The following CHLSN variants were observed in gnomAD, a reference collection of about 807,000 sequenced individuals.
CHLSN encodes cholesin.
At chr7:987,969 G>C in the CHLSN span, among the ~76,000 whole-genome samples, 29 of 136,158 alleles carry the variant, frequency 2.1e-4, 1 homozygote, top group African/African-American at 8.3e-4. Flanking sequence ...GGTCCCCTCT[G>C]TGTGTCCTGG....
At chr7:1,048,299 C>T in the CHLSN span, among the ~76,000 whole-genome samples, 1 of 152,184 alleles carries the variant, frequency 6.6e-6, no homozygotes, top group Non-Finnish European at 1.5e-5. Context: ...GAAAGAACTT[C>T]CCGACTAACA....
the CHLSN span, among the ~76,000 whole-genome samples, chr7:1,023,631 ACACACACACACACACACAC>A: frequency 7.0e-5 from 2 of 28,686 alleles, no homozygotes; most frequent in African/African-American, 1.4e-4. The surrounding 1 kb of genome is among the most constrained non-coding windows in gnomAD (Gnocchi z 5.0). Flanking sequence ...GGAAACACAC[ACACACACACACACACACAC>A]ACACACACAC....
the CHLSN span, among the ~76,000 whole-genome samples, chr7:1,049,756 G>A: frequency 1.3e-5 from 2 of 152,220 alleles, no homozygotes; most frequent in Non-Finnish European, 1.5e-5. Context: ...GGAATCAGTG[G>A]TGCTTTCTCA....
At chr7:1,009,016 TAC>T in the CHLSN span, among the ~76,000 whole-genome samples, 2 of 134,902 alleles carry the variant, frequency 1.5e-5, no homozygotes, top group African/African-American at 6.3e-5. Flanking sequence ...CACACACACA[TAC>T]ACATGCACAC....
the CHLSN span, among the ~76,000 whole-genome samples, chr7:999,323 C>T: frequency 3.9e-5 from 6 of 152,348 alleles, no homozygotes; most frequent in Admixed American, 1.3e-4. Flanking sequence ...GAATCAGCTG[C>T]GCCGGGCGTG....
At chr7:1,036,807 G>C in the CHLSN span, among the ~76,000 whole-genome samples, 5 of 144,436 alleles carry the variant, frequency 3.5e-5, no homozygotes, top group East Asian at 9.7e-4. Context: ...GGCCATTTAG[G>C]AGCTCTGCTC....
chr7:1,017,731 G>C, the CHLSN span, among the ~76,000 whole-genome samples: 1 of 151,784 alleles, frequency 6.6e-6, no homozygotes, highest in African/African-American at 2.4e-5. Context: ...CGGACGGCGG[G>C]ATAAGGGGCA....
the CHLSN span, among the ~76,000 whole-genome samples, chr7:1,008,691 C>T: frequency 2.1e-3 from 325 of 152,302 alleles, no homozygotes; most frequent in Middle Eastern, 3.4e-3. Context: ...CCAAGAGCCC[C>T]TCTCCTGTAG....
At chr7:1,050,542 C>T in the CHLSN span, among the ~76,000 whole-genome samples, 1 of 152,226 alleles carries the variant, frequency 6.6e-6, no homozygotes, top group Non-Finnish European at 1.5e-5. Context: ...CTCCCAGCTC[C>T]GAGCGGATGC....
the CHLSN span, chr7:986,489 C>T: frequency 1.7e-5 from 17 of 1,022,124 alleles, no homozygotes; most frequent in South Asian, 3.1e-5. Context: ...AGGGTCCCCC[C>T]GTTCTGTGGC....
the CHLSN span, among the ~76,000 whole-genome samples, chr7:1,035,545 G>A: frequency 3.0e-4 from 45 of 152,192 alleles, no homozygotes; most frequent in Non-Finnish European, 5.6e-4. Flanking sequence ...GGCCAGACGC[G>A]CGACATCCTT....
the CHLSN span, chr7:1,028,183 G>A: frequency 1.0e-6 from 1 of 955,572 alleles, no homozygotes. Context: ...CTGTCGCCGC[G>A]GGGCGGGGCT....
At chr7:1,079,036 G>C in the CHLSN span, among the ~76,000 whole-genome samples, 44 of 151,018 alleles carry the variant, frequency 2.9e-4, 1 homozygote, top group South Asian at 2.4e-3. Flanking sequence ...AGGAGGCAGC[G>C]AGGCAGCGGG....
the CHLSN span, among the ~76,000 whole-genome samples, chr7:1,002,370 G>A: frequency 3.3e-5 from 4 of 122,108 alleles, no homozygotes; most frequent in Non-Finnish European, 3.4e-5. Context: ...GGTGAATGGA[G>A]TCCTGTGGGT....
chr7:1,090,042 C>G, the CHLSN span, among the ~76,000 whole-genome samples: 2 of 151,864 alleles, frequency 1.3e-5, no homozygotes, highest in South Asian at 4.2e-4. Flanking sequence ...CGAGATTGTG[C>G]CACTGCACTC....
At chr7:1,100,935 C>T in the CHLSN span, among the ~76,000 whole-genome samples, 3 of 152,326 alleles carry the variant, frequency 2.0e-5, no homozygotes, top group South Asian at 2.1e-4. Context: ...CACAGAGCCC[C>T]GTGCACCCCT....
chr7:1,112,547 A>T, the CHLSN span, among the ~76,000 whole-genome samples: 2 of 152,212 alleles, frequency 1.3e-5, no homozygotes, highest in Admixed American at 6.5e-5. Context: ...TGAAGCCAGG[A>T]AAGTCCCACG....
the CHLSN span, chr7:984,623 G>A: frequency 6.6e-7 from 1 of 1,526,350 alleles, no homozygotes. Context: ...GGGGGCACCT[G>A]GACCCCAGGA....
chr7:1,050,488 C>T, the CHLSN span, among the ~76,000 whole-genome samples: 5 of 152,230 alleles, frequency 3.3e-5, no homozygotes, highest in African/African-American at 7.2e-5. Flanking sequence ...TTTTGGCTTT[C>T]GTTTCTCAAG....
Sources: gnomAD v4.1 joint callset for allele counts (sites outside exome capture counted in the v4.1 genomes callset) on GRCh38, gnomAD v4.1.1 for gene constraint, Gnocchi (gnomAD v3.1) non-coding constraint, MANE v1.5 for transcripts, NCBI Gene and HGNC (gene_info 2026-07-23, HGNC 2026-07-21) for gene names.